Variants in GRK5 observed in about 807,000 individuals in gnomAD.
GRK5 encodes g protein-coupled receptor kinase GRK5.
A neutral mutation model predicts 78.4 loss-of-function variants in GRK5; 40 were observed. The observed-to-expected ratio is 0.51, with a 90% CI of 0.40 to 0.66. The LOEUF (loss-of-function observed/expected upper bound fraction) is 0.66, where lower values mean the gene tolerates loss of function less well. GRK5 is among the 30% of genes least tolerant of loss of function. The probability of loss-of-function intolerance (pLI) is 0.00; values close to 1 mark genes in which losing one functional copy is unlikely to be tolerated. For synonymous variants in GRK5, 289 were observed against 296.8 expected (o/e 0.97, Z 0.27); for missense variants, 598 against 759.9 (o/e 0.79, Z 2.50).
chr10:119,417,147 G>A (rs146753671), intron 4 of GRK5, among the ~76,000 whole-genome samples: 1,569 of 152,320 alleles, frequency 0.01, 16 homozygotes, highest in Middle Eastern at 0.027. Context: ...CTGCCCTTGT[G>A]CTTGGGTCCC....
At chr10:119,325,360 G>T (rs1434160928) in intron 1 of GRK5, among the ~76,000 whole-genome samples, 1 of 152,186 alleles carries the variant, frequency 6.6e-6, no homozygotes, top group Admixed American at 6.5e-5. Context: ...GGTTGGGCTG[G>T]CTGGGAGAGG....
At chr10:119,276,259 C>T (rs914066949) in intron 1 of GRK5, among the ~76,000 whole-genome samples, 7 of 151,846 alleles carry the variant, frequency 4.6e-5, no homozygotes, top group African/African-American at 1.5e-4. Context: ...TAATGCTATC[C>T]CTCCCCCCTC....
At chr10:119,398,012 T>C (rs1032882960) in intron 4 of GRK5, among the ~76,000 whole-genome samples, 4 of 152,238 alleles carry the variant, frequency 2.6e-5, no homozygotes, top group African/African-American at 9.6e-5. Flanking sequence ...TTTATGTTTA[T>C]AAAACACTTC....
chr10:119,374,112 G>A (rs1851589324), intron 2 of GRK5, among the ~76,000 whole-genome samples: 1 of 152,196 alleles, frequency 6.6e-6, no homozygotes, highest in African/African-American at 2.4e-5. Flanking sequence ...TGACCTCCAA[G>A]GTTGATCTTG....
intron 1 of GRK5, among the ~76,000 whole-genome samples, chr10:119,319,029 A>G (rs980915854): frequency 6.6e-6 from 1 of 152,166 alleles, no homozygotes; most frequent in Non-Finnish European, 1.5e-5. Flanking sequence ...GCTTTTTATT[A>G]TTACTTGGCT....
intron 1 of GRK5, among the ~76,000 whole-genome samples, chr10:119,257,848 T>C (rs1849315141): frequency 6.6e-6 from 1 of 152,238 alleles, no homozygotes; most frequent in South Asian, 2.1e-4. Flanking sequence ...ATGCCCTGGC[T>C]GTGACAAGGA....
intron 1 of GRK5, among the ~76,000 whole-genome samples, chr10:119,257,018 C>T (rs572315191): frequency 2.6e-5 from 4 of 152,212 alleles, no homozygotes; most frequent in Non-Finnish European, 5.9e-5. Flanking sequence ...TTTCACGTAG[C>T]ATAGTGTTTT....
chr10:119,314,423 AC>A (rs1175856791), intron 1 of GRK5, among the ~76,000 whole-genome samples: 1 of 152,144 alleles, frequency 6.6e-6, no homozygotes, highest in Non-Finnish European at 1.5e-5. Context: ...GCCAGTCCCC[AC>A]CAAGTGGTGA....
At chr10:119,318,692 G>A (rs557757999) in intron 1 of GRK5, among the ~76,000 whole-genome samples, 1 of 152,198 alleles carries the variant, frequency 6.6e-6, no homozygotes, top group East Asian at 1.9e-4. Flanking sequence ...CAGGGACAAT[G>A]CCTTCCTGGA....
intron 2 of GRK5, among the ~76,000 whole-genome samples, chr10:119,376,596 C>T (rs1851625073): frequency 7.3e-6 from 1 of 136,796 alleles, no homozygotes; most frequent in Non-Finnish European, 1.5e-5. Context: ...CACAGTTTCA[C>T]TCTTGTTGCC....
In GRK5 at chr10:119,279,726, C is replaced by T. The variant is rs1398779065; in HGVS notation, c.53-46790C>T. ...CCACGCTGCAGGGCAAGAAGAGCCA[C>T]GCAGCAGCACTGATGTGCGTGCCAG... On this transcript the variant is annotated intron_variant, in intron 1 of 15. Coordinates refer to ENST00000392870, the MANE Select transcript of GRK5 (RefSeq NM_005308.3). Among the ~76,000 whole-genome samples, 5 of 152,102 alleles carry T rather than the reference C, an allele frequency of 3.3e-5. No individual in the cohort carries two copies. The East Asian group carries it at 5.9e-4, about 18-fold the overall frequency.
At chr10:119,383,281 T>G (rs1478051032) in intron 3 of GRK5, among the ~76,000 whole-genome samples, 1 of 152,238 alleles carries the variant, frequency 6.6e-6, no homozygotes, top group Non-Finnish European at 1.5e-5. Flanking sequence ...CAAATTCGGT[T>G]TCCGTTTTTG....
In GRK5 at chr10:119,445,375, C is replaced by G. The variant is rs1280440788; in HGVS notation, c.1266+1623C>G. On this transcript the variant is annotated intron_variant, in intron 12 of 15. Coordinates refer to ENST00000392870, the MANE Select transcript of GRK5 (RefSeq NM_005308.3). This position sits in a 1 kb window ranked among gnomAD's most constrained non-coding sequence, Gnocchi z 4.1. ...AGAAGCAGGTCTTGAGAGATCTCAG[C>G]AGGGATATGGGACGTACTAAGAGGA... Among the ~76,000 whole-genome samples, 3 of 152,080 alleles carry G rather than the reference C, an allele frequency of 2.0e-5. No homozygotes were observed. The highest frequency in any genetic ancestry group is 4.4e-5 in the Non-Finnish European group (3 of 68,024).
At chr10:119,413,566 G>A (rs149199537) in intron 4 of GRK5, among the ~76,000 whole-genome samples, 20 of 152,044 alleles carry the variant, frequency 1.3e-4, no homozygotes, top group African/African-American at 4.6e-4. Context: ...CTTGCTAAGC[G>A]TTCCGTCTGC....
At chr10:119,394,301 TC>T in intron 3 of GRK5, among the ~76,000 whole-genome samples, 1 of 5,222 alleles carries the variant, frequency 1.9e-4, no homozygotes, top group Non-Finnish European at 4.6e-4. Context: ...TATCTGTGTG[TC>T]TGTGTGGGCA....
At chr10:119,366,038 C>T (rs1851443759) in intron 2 of GRK5, among the ~76,000 whole-genome samples, 2 of 152,182 alleles carry the variant, frequency 1.3e-5, no homozygotes, top group Non-Finnish European at 2.9e-5. Context: ...CGACCTGGTC[C>T]CTGACTGCTC....
chr10:119,456,332 A>T lies in GRK5; in HGVS notation c.*1265A>T, dbSNP rs1165585171. 1 of 152,244 alleles carries T rather than the reference A, an allele frequency of 6.6e-6. No homozygotes were observed. Among genetic ancestry groups the T allele is most frequent in the Non-Finnish European group, 1.5e-5 (1 of 68,098 alleles). 9.4% of individuals were successfully genotyped at this position (152,244 alleles called of 1,614,324 possible). ...CCCAGGAAGGTGGGGCAGAGGCAAG[A>T]TCTATCGGACATTTCAAAGTTTCAG... On this transcript the variant is annotated 3_prime_UTR_variant, in exon 16 of 16. Coordinates refer to ENST00000392870, the MANE Select transcript of GRK5 (RefSeq NM_005308.3). The surrounding 1 kb of genome is among the most constrained non-coding windows in gnomAD (Gnocchi z 5.5).
intron 3 of GRK5, among the ~76,000 whole-genome samples, chr10:119,390,970 C>T (rs1204467146): frequency 1.3e-5 from 2 of 150,836 alleles, no homozygotes; most frequent in Non-Finnish European, 3.0e-5. Context: ...GTCCCCTCCA[C>T]CACGTGGAGA....
chr10:119,311,048 G>A (rs915518973), intron 1 of GRK5, among the ~76,000 whole-genome samples: 1 of 152,170 alleles, frequency 6.6e-6, no homozygotes, highest in Non-Finnish European at 1.5e-5. Context: ...TGTACCTTCC[G>A]CCTTGCTGGG....
Sources: gnomAD v4.1 joint callset for allele counts (sites outside exome capture counted in the v4.1 genomes callset) on GRCh38, gnomAD v4.1.1 for gene constraint, Gnocchi (gnomAD v3.1) non-coding constraint, MANE v1.5 for transcripts, NCBI Gene and HGNC (gene_info 2026-07-23, HGNC 2026-07-21) for gene names.